The following USP39 variants were observed in gnomAD, a reference collection of about 807,000 sequenced individuals.
The protein encoded by USP39 is ubiquitin specific peptidase 39.
A neutral mutation model predicts 66.4 loss-of-function variants in USP39; 38 were observed. That is an observed-to-expected ratio of 0.57 (90% CI 0.44 to 0.75). The LOEUF (loss-of-function observed/expected upper bound fraction) is 0.75, where lower values mean the gene tolerates loss of function less well. Ranked by LOEUF, USP39 falls within the 30% of genes least tolerant of loss-of-function variation. The pLI is 0.00. For synonymous variants in USP39, 303 were observed against 274.6 expected (o/e 1.10, Z -1.02); for missense variants, 608 against 714.4 (o/e 0.85, Z 1.70).
chr2:85,648,753 T>C lies in USP39; in HGVS notation c.1651-8T>C. 1 of 1,614,058 alleles carries C rather than the reference T, an allele frequency of 6.2e-7. No individual in the cohort carries two copies. The highest frequency in any genetic ancestry group is 8.5e-7 in the Non-Finnish European group (1 of 1,179,940). ...CTAGACTTCAGTTTGTGTTTTCATT[T>C]CTTACAGATTTGGAAGAGGCGAGAT... On this transcript the variant is annotated splice_polypyrimidine_tract_variant and splice_region_variant and intron_variant, in intron 12 of 12. Transcript: ENST00000323701.
At chr2:85,645,163 C>A in intron 11 of USP39, 80 bp downstream of exon 11, 1 of 1,588,238 alleles carries the variant, frequency 6.3e-7, no homozygotes, top group South Asian at 1.1e-5. Context: ...CAGCTCCCTT[C>A]AGTGTGTCCT....
intron 2 of USP39, 44 bp downstream of exon 2, chr2:85,619,333 A>G: frequency 6.3e-7 from 1 of 1,594,604 alleles, no homozygotes; most frequent in Non-Finnish European, 8.6e-7. Context: ...GAACAATGGA[A>G]TCTGTGCAGA....
At chr2:85,619,135 C>T in intron 1 of USP39, 85 bp from the exon 2 acceptor site, 5 of 1,471,724 alleles carry the variant, frequency 3.4e-6, no homozygotes, top group Non-Finnish European at 3.7e-6. Context: ...TTAGTTTTTC[C>T]CATTTCTGTT....
At chr2:85,612,308 CA>C (rs1183890607), upstream of USP39, 8 of 1,535,718 alleles carry the variant, frequency 5.2e-6, no homozygotes, top group Non-Finnish European at 7.0e-6. Flanking sequence ...AAATGCAAAT[CA>C]TCTATAACAC....
At chr2:85,626,086 G>A (rs371312806) in intron 5 of USP39, among the ~76,000 whole-genome samples, 5 of 149,368 alleles carry the variant, frequency 3.3e-5, no homozygotes, top group Admixed American at 2.0e-4. Flanking sequence ...TCGGCCAGGC[G>A]CAGTGGCTCA....
chr2:85,625,446 C>T, intron 4 of USP39, 93 bp from the exon 5 acceptor site: 1 of 1,543,950 alleles, frequency 6.5e-7, no homozygotes, highest in Non-Finnish European at 8.9e-7. Flanking sequence ...ATGTTCATGG[C>T]CAAGTGTTTT....
intron 10 of USP39, among the ~76,000 whole-genome samples, chr2:85,644,153 A>G (rs1016852777): frequency 6.6e-6 from 1 of 152,234 alleles, no homozygotes; most frequent in Non-Finnish European, 1.5e-5. Context: ...TTCACAGTCT[A>G]ACTTCAAAGG....
chr2:85,625,412 G>A, intron 4 of USP39, 127 bp from the exon 5 acceptor site: 1 of 1,231,148 alleles, frequency 8.1e-7, no homozygotes, highest in South Asian at 1.3e-5. Context: ...TACTGGTTCG[G>A]ACTATTTTTC....
chr2:85,648,001 A>C lies in USP39; in HGVS notation c.1635A>C (p.Ser545=). 1 of 1,614,184 alleles carries C rather than the reference A, an allele frequency of 6.2e-7. No individual in the cohort carries two copies. ...TCCTTCCCCAGATGATCACACTGTC[A>C]GAGGCTTACATTCAGGTGGGTTGGC... The part of the protein sequence containing the change: ...TDILPQMITL[S]EAYIQIWKRR... Residue 545 remains serine (S), a synonymous_variant, in exon 12 of 13, where the codon TCA becomes TCC. Transcript: ENST00000323701.
At chr2:85,631,015 C>G in intron 6 of USP39, 69 bp downstream of exon 6, 1 of 1,520,634 alleles carries the variant, frequency 6.6e-7, no homozygotes, top group Non-Finnish European at 9.0e-7. Flanking sequence ...TTCCACTTGG[C>G]AGTGAATTTT....
At chr2:85,607,005 G>A (rs936943059) in intron 1 of USP39, 1 of 151,644 alleles carries the variant, frequency 6.6e-6, no homozygotes, top group East Asian at 1.9e-4. Flanking sequence ...GGACGGTCTG[G>A]ATCTCCTGAT....
At chr2:85,608,965 T>C, upstream of USP39, 3 of 1,614,200 alleles carry the variant, frequency 1.9e-6, no homozygotes, top group Non-Finnish European at 8.5e-7. Context: ...CTCTGGCGCT[T>C]TGCAATCTCC....
chr2:85,605,267 G>GT (rs757051511), intron 1 of USP39, among the ~76,000 whole-genome samples: 5 of 152,130 alleles, frequency 3.3e-5, no homozygotes, highest in African/African-American at 9.6e-5. Context: ...TGTAAAAATC[G>GT]TAAGTTTATT....
chr2:85,611,962 CG>C, upstream of USP39: 2 of 1,536,894 alleles, frequency 1.3e-6, no homozygotes, highest in South Asian at 2.4e-5. Context: ...GTGCCCCGGC[CG>C]GGGATGCGGC....
chr2:85,621,400 C>A, intron 2 of USP39, 85 bp from the exon 3 acceptor site: 1 of 1,123,892 alleles, frequency 8.9e-7, no homozygotes, highest in Non-Finnish European at 1.3e-6. Context: ...TATGTGGTAT[C>A]ATGGGTCACA....
At chr2:85,609,182 C>A, upstream of USP39, 5 of 1,412,222 alleles carry the variant, frequency 3.5e-6, no homozygotes, top group Non-Finnish European at 4.8e-6. Flanking sequence ...TTTGCCAGCA[C>A]CTGTCATTTC....
upstream of USP39, chr2:85,610,146 C>G (rs1171064969): frequency 6.6e-6 from 1 of 151,832 alleles, no homozygotes; most frequent in African/African-American, 2.4e-5. Context: ...TCCCAAGTAG[C>G]TGGGATTACA....
upstream of USP39, chr2:85,612,016 T>A: frequency 7.0e-7 from 1 of 1,434,284 alleles, no homozygotes; most frequent in East Asian, 2.5e-5. Context: ...CGCCGCCGCC[T>A]CGACGGCCCC....
intron 12 of USP39, 29 bp downstream of exon 12, chr2:85,648,045 C>A (rs747450298): frequency 6.2e-7 from 1 of 1,611,878 alleles, no homozygotes; most frequent in Admixed American, 1.7e-5. Flanking sequence ...TAGTGAGCCA[C>A]AAATAGGTGG....
Sources: gnomAD v4.1 joint callset for allele counts (sites outside exome capture counted in the v4.1 genomes callset) on GRCh38, gnomAD v4.1.1 for gene constraint, MANE v1.5 for transcripts, NCBI Gene and HGNC (gene_info 2026-07-23, HGNC 2026-07-21) for gene names.